TMEM164: variants seen among roughly 807,000 people sequenced by gnomAD.
TMEM164 encodes transmembrane protein 164, also known as RP13-360B22.2.
A neutral mutation model predicts 18.8 loss-of-function variants in TMEM164; 4 were observed. The observed-to-expected ratio is 0.21, with a 90% CI of 0.10 to 0.49. The LOEUF (loss-of-function observed/expected upper bound fraction) is 0.49. TMEM164 is among the 20% of genes least tolerant of loss of function. The pLI, the probability that TMEM164 is intolerant of heterozygous loss-of-function variation, is 0.98. For missense variants in TMEM164, 108 were observed against 239.9 expected, an observed-to-expected ratio of 0.45 and a Z score of 3.63; for synonymous variants, 86 against 101.7, an observed-to-expected ratio of 0.85 and a Z score of 0.93.
chrX:110,100,698 A>G (rs1260926774), intron 3 of TMEM164, among the ~76,000 whole-genome samples: 2 of 110,730 alleles, frequency 1.8e-5, no homozygotes, highest in South Asian at 7.8e-4. Context: ...CAGCCTCCGG[A>G]GTAGCTGGGA....
intron 3 of TMEM164, among the ~76,000 whole-genome samples, chrX:110,096,263 C>A (rs1197854046): frequency 8.9e-6 from 1 of 112,906 alleles, no homozygotes; most frequent in African/African-American, 3.2e-5. Flanking sequence ...GCCTTTTGTT[C>A]AGCTATGCCC....
At chrX:110,099,135 T>C (rs1341535589) in intron 3 of TMEM164, among the ~76,000 whole-genome samples, 1 of 110,299 alleles carries the variant, frequency 9.1e-6, no homozygotes, top group Non-Finnish European at 1.9e-5. Context: ...TTCAGGATTC[T>C]TTATATATTC....
intron 5 of TMEM164, among the ~76,000 whole-genome samples, chrX:110,161,111 C>G (rs1183593913): frequency 1.8e-5 from 2 of 112,375 alleles, no homozygotes; most frequent in African/African-American, 6.5e-5. Flanking sequence ...CAGGCCACCT[C>G]TCTCTTGAGT....
intron 5 of TMEM164, among the ~76,000 whole-genome samples, chrX:110,149,874 A>G (rs923171597): frequency 2.7e-5 from 3 of 111,636 alleles, no homozygotes; most frequent in Non-Finnish European, 5.6e-5. Flanking sequence ...CCAGCTAAAA[A>G]CTGGGAATCA....
At chrX:110,057,659 T>C (rs1052020836) in intron 2 of TMEM164, among the ~76,000 whole-genome samples, 6 of 108,313 alleles carry the variant, frequency 5.5e-5, no homozygotes, top group African/African-American at 2.0e-4. Flanking sequence ...AATATTGCCA[T>C]CTTTTGCATT....
intron 3 of TMEM164, among the ~76,000 whole-genome samples, chrX:110,091,405 T>C (rs1314193752): frequency 2.7e-5 from 3 of 112,107 alleles, no homozygotes; most frequent in Non-Finnish European, 5.6e-5. Context: ...CCATTCTAAC[T>C]GGTGTGAGAT....
chrX:110,116,555 G>T (rs772869382), intron 4 of TMEM164, among the ~76,000 whole-genome samples: 5 of 111,538 alleles, frequency 4.5e-5, no homozygotes, highest in African/African-American at 1.6e-4. Context: ...TGGGAGTCAG[G>T]GATTCCAGTT....
rs768440402 is a variant in TMEM164, at chrX:110,103,297, C to T, written c.441-5783C>T. On this transcript the variant is annotated intron_variant, in intron 3 of 6. Transcript: ENST00000372068. ...ACTAGGCAAGGCCACTTGGGAAAGA[C>T]ATTAGGGTGGTCAGGAGGCAGGAGA... 4.5e-5 allele frequency among the ~76,000 whole-genome samples: 5 copies of T among 112,280 alleles called. No homozygotes were observed. In the East Asian group the frequency reaches 1.4e-3, roughly 31 times the overall value.
intron 5 of TMEM164, among the ~76,000 whole-genome samples, chrX:110,150,402 A>AT (rs1340435023): frequency 1.8e-5 from 2 of 112,279 alleles, no homozygotes; most frequent in Non-Finnish European, 3.8e-5. Context: ...TTTGGCCTTG[A>AT]TTGCCAAAGC....
At chrX:110,043,155 A>T (rs1010514280) in intron 2 of TMEM164, among the ~76,000 whole-genome samples, 6 of 112,865 alleles carry the variant, frequency 5.3e-5, no homozygotes, top group Non-Finnish European at 1.9e-5. Flanking sequence ...TCCAGCATGC[A>T]ACAGAATGTT....
chrX:110,121,241 A>G (rs1035619412), intron 4 of TMEM164, among the ~76,000 whole-genome samples: 2 of 112,372 alleles, frequency 1.8e-5, no homozygotes, highest in African/African-American at 6.5e-5. Flanking sequence ...CAAATATACA[A>G]TTCAGTGGTT....
At chrX:110,015,580 T>TGTGTGTGTGTGC (rs1433935940) in intron 2 of TMEM164, among the ~76,000 whole-genome samples, 1 of 108,264 alleles carries the variant, frequency 9.2e-6, no homozygotes, top group Admixed American at 9.7e-5. Flanking sequence ...TGTGTGTGTG[T>TGTGTGTGTGTGC]GCGCGCCTGT....
At chrX:110,084,499 G>C (rs2065823271) in intron 3 of TMEM164, among the ~76,000 whole-genome samples, 1 of 84,156 alleles carries the variant, frequency 1.2e-5, no homozygotes, top group Non-Finnish European at 2.3e-5. Flanking sequence ...GAGAGAGAGA[G>C]ACATGGTGGT....
At chrX:110,154,610 G>A (rs1268300423) in intron 5 of TMEM164, among the ~76,000 whole-genome samples, 2 of 111,357 alleles carry the variant, frequency 1.8e-5, no homozygotes, top group Non-Finnish European at 3.8e-5. Context: ...TGTAGAGATA[G>A]GGTTTCACCA....
At chrX:110,124,204 C>A (rs1053210736) in intron 4 of TMEM164, among the ~76,000 whole-genome samples, 2 of 109,049 alleles carry the variant, frequency 1.8e-5, no homozygotes, top group African/African-American at 6.7e-5. Context: ...GGCAGGCAGG[C>A]AGGCAGGAAG....
chrX:110,160,728 G>A (rs2067082297), intron 5 of TMEM164, among the ~76,000 whole-genome samples: 2 of 111,149 alleles, frequency 1.8e-5, no homozygotes, highest in Non-Finnish European at 3.8e-5. Context: ...TAATAAGGTT[G>A]TTTTTTTGTT....
At chrX:110,011,188 A>C (rs2147675416) in intron 2 of TMEM164, among the ~76,000 whole-genome samples, 1 of 112,004 alleles carries the variant, frequency 8.9e-6, no homozygotes, top group Non-Finnish European at 1.9e-5. Flanking sequence ...AAAACCAAAA[A>C]CAAAAAAAAA....
At chrX:110,014,328 A>G (rs1275106812) in intron 2 of TMEM164, among the ~76,000 whole-genome samples, 1 of 111,559 alleles carries the variant, frequency 9.0e-6, no homozygotes, top group East Asian at 2.8e-4. Context: ...AATTTCATGC[A>G]GTGGGCAAAG....
At chrX:110,151,660 G>A (rs970819596) in intron 5 of TMEM164, among the ~76,000 whole-genome samples, 16 of 111,046 alleles carry the variant, frequency 1.4e-4, no homozygotes, top group African/African-American at 4.9e-4. Context: ...GCGCATGCCC[G>A]TATTCCCAGG....
Sources: gnomAD v4.1 joint callset for allele counts (sites outside exome capture counted in the v4.1 genomes callset) on GRCh38, gnomAD v4.1.1 for gene constraint, MANE v1.5 for transcripts, NCBI Gene and HGNC (gene_info 2026-07-23, HGNC 2026-07-21) for gene names.